The following CTC1 variants were observed in gnomAD, a reference collection of about 807,000 sequenced individuals.
CTC1 encodes CST complex subunit CTC1.
CTC1 carries 91 observed loss-of-function variants against 136.3 expected under a neutral mutation model. That is an observed-to-expected ratio of 0.67 (90% CI 0.56 to 0.79). The LOEUF is 0.79. Ranked by LOEUF, CTC1 falls within the 30% of genes least tolerant of loss-of-function variation. CTC1 has a pLI of 0.00. For missense variants in CTC1, 1,432 were observed against 1,498.1 expected, an observed-to-expected ratio of 0.96 and a Z score of 0.73; for synonymous variants, 606 against 613.8, an observed-to-expected ratio of 0.99 and a Z score of 0.19.
In CTC1 at chr17:8,243,001, G is replaced by A. The variant is rs1439520622; in HGVS notation, c.181C>T (p.Leu61=). The A allele has an allele frequency of 6.2e-7, 1 of 1,612,788 alleles. No individual in the cohort carries two copies. Residue 61 remains leucine, a synonymous_variant, in exon 2 of 23, where the codon CTG becomes TTG. Coordinates refer to ENST00000651323, the MANE Select transcript of CTC1 (RefSeq NM_025099.6). ...LSQGRNQGST[L]PLSYSFVSVQ... is the part of the protein sequence containing the mutation. ...TCTCCTTACCTATAGCTGAGGGGCAGTGTAGAACCTTGGTTCCTTCCCTGG... is the reference window on the plus strand; with the variant it reads ...TCTCCTTACCTATAGCTGAGGGGCAATGTAGAACCTTGGTTCCTTCCCTGG...
rs151277862 is a variant in CTC1, at chr17:8,234,254, C to A, written c.1818+201G>T. Among the ~76,000 whole-genome samples the A allele has an allele frequency of 2.4e-3, 368 of 152,332 alleles. 14 individuals carry two copies. The East Asian group carries it at 0.052, about 22-fold the overall frequency. On this transcript the variant is annotated intron_variant, in intron 10 of 22. Transcript: ENST00000651323. The stretch of plus-strand genomic sequence containing the variant: ...CCTCCCAAAGTGTTGGGATTACAGG[C>A]ATGAGCCACTGTGCCTGGCATATCC...
At chr17:8,234,007 C>G (rs1420785378) in intron 10 of CTC1, among the ~76,000 whole-genome samples, 14 of 151,814 alleles carry the variant, frequency 9.2e-5, no homozygotes, top group Admixed American at 8.5e-4. Flanking sequence ...CTTTTTTTTC[C>G]TGAGTCTTGC....
intron 17 of CTC1, 105 bp from the exon 18 acceptor site, chr17:8,230,073 G>T: frequency 8.8e-7 from 1 of 1,137,700 alleles, no homozygotes; most frequent in Non-Finnish European, 1.3e-6. Flanking sequence ...TCCCCCTGAG[G>T]GACATATCCT....
intron 2 of CTC1, among the ~76,000 whole-genome samples, chr17:8,239,818 T>G (rs1361043546): frequency 6.6e-6 from 1 of 152,096 alleles, no homozygotes; most frequent in Admixed American, 6.5e-5. Flanking sequence ...CACAAATGAG[T>G]ATCAAAGAGA....
intron 1 of CTC1, chr17:8,247,637 C>T: frequency 4.9e-6 from 1 of 204,248 alleles, no homozygotes; most frequent in Non-Finnish European, 1.0e-5. Flanking sequence ...CTTCTACACG[C>T]ACTTCGGGTC....
In CTC1 at chr17:8,236,302, C is replaced by A. The variant is rs768853291; in HGVS notation, c.833G>T (p.Gly278Val). Residue 278 changes from glycine (G) to valine (V), a missense_variant, in exon 6 of 23, where the codon GGT becomes GTT. Coordinates refer to ENST00000651323, the MANE Select transcript of CTC1 (RefSeq NM_025099.6). ...CAGTTCTGTCAGCACATAGGCTGTA[C>A]CAGGCCGAAGGGCTCTGTGCCACAC... is the stretch of plus-strand genomic sequence containing the variant. ...QLVWHRALRPGTAYVLTELRV... is the reference protein window; with the variant it reads ...QLVWHRALRPVTAYVLTELRV... 9.3e-6 allele frequency: 15 copies of A among 1,611,808 alleles called. No individual in the cohort carries two copies. Among genetic ancestry groups the A allele is most frequent in the African/African-American group, 2.7e-5 (2 of 74,934 alleles).
chr17:8,246,713 C>G (rs989651890), intron 1 of CTC1, among the ~76,000 whole-genome samples: 1 of 151,738 alleles, frequency 6.6e-6, no homozygotes, highest in Admixed American at 6.6e-5. Flanking sequence ...GGTGAAACAC[C>G]GTCTGTACTT....
In CTC1 at chr17:8,231,327, T is replaced by C. The variant is rs1379080486; in HGVS notation, c.2618A>G (p.Asp873Gly). ...GGATTCAGGCAATGACTTGTTTGCA[T>C]CCAGCACATCTTGGATATCCTGGGA... is the stretch of plus-strand genomic sequence containing the variant. ...ESSQDIQDVL[D>G]ANKSLPESSL... Residue 873 changes from aspartate (D) to glycine (G), a missense_variant, in exon 15 of 23, where the codon GAT (aspartate) becomes GGT (glycine). By Grantham distance (94) the Asp-to-Gly change is moderately conservative (BLOSUM62 -1). Coordinates refer to ENST00000651323, the MANE Select transcript of CTC1 (RefSeq NM_025099.6). 5 of 1,606,008 alleles carry C rather than the reference T, an allele frequency of 3.1e-6. No individual in the cohort carries two copies. Among genetic ancestry groups the C allele is most frequent in the Non-Finnish European group, 4.3e-6 (5 of 1,173,900 alleles).
At chr17:8,236,033 C>T (rs757481854) in intron 6 of CTC1, 25 bp downstream of exon 6, 17 of 1,601,710 alleles carry the variant, frequency 1.1e-5, no homozygotes, top group Non-Finnish European at 1.5e-5. Context: ...GCCCCTCAAG[C>T]TCTAGGATCT....
Position 8,229,146 on chromosome 17 carries a change from T to C in CTC1, c.3217A>G (p.Ile1073Val). The C allele has an allele frequency of 1.2e-6, 2 of 1,613,826 alleles. No individual in the cohort carries two copies. The highest frequency in any genetic ancestry group is 1.7e-6 in the Non-Finnish European group (2 of 1,180,032). ...GTGCACGCCTTGTGCTCTCACCTGA[T>C]GATGGCCTGGCTTATAGCTGTCTGC... is the stretch of plus-strand genomic sequence containing the variant. Reference protein sequence around the residue: ...PTQTAISQAIIRLLVEDGTAE... With the variant: ...PTQTAISQAIVRLLVEDGTAE... Residue 1073 changes from isoleucine (I) to valine (V), a missense_variant, in exon 20 of 23, where the codon ATC becomes GTC. Physicochemically the swap from Ile to Val is conservative, Grantham distance 29 (BLOSUM62 3). Transcript: ENST00000651323.
intron 1 of CTC1, among the ~76,000 whole-genome samples, chr17:8,244,526 CCT>C (rs1389632053): frequency 4.7e-4 from 71 of 151,956 alleles, no homozygotes; most frequent in African/African-American, 1.7e-3. Flanking sequence ...CTTTCACATT[CCT>C]CTTTTTTTTT....
At chr17:8,229,281 C>T (rs1417403905) in intron 19 of CTC1, 21 bp downstream of exon 19, 1 of 1,614,108 alleles carries the variant, frequency 6.2e-7, no homozygotes, top group Admixed American at 1.7e-5. Context: ...CTCAGTTCAG[C>T]CTGTTCCTTC....
chr17:8,226,680 G>A lies in CTC1; in HGVS notation c.*1500C>T, dbSNP rs909936817. On this transcript the variant is annotated 3_prime_UTR_variant, in exon 23 of 23. Coordinates refer to ENST00000651323, the MANE Select transcript of CTC1 (RefSeq NM_025099.6). The stretch of plus-strand genomic sequence containing the variant: ...TTCTAGTCCATCGCCTTAACCACTC[G>A]GCCACGACTACGAGGCTTAGGGCTT... 3.3e-5 allele frequency: 5 copies of A among 152,116 alleles called. No individual in the cohort carries two copies. Among genetic ancestry groups the A allele is most frequent in the East Asian group, 1.9e-4 (1 of 5,198 alleles). The allele number at this position is 152,116 out of a possible 1,614,324, so 9.4% of individuals were successfully genotyped here.
chr17:8,236,292 A>G lies in CTC1; in HGVS notation c.843T>C (p.Tyr281=), dbSNP rs367935180. 107 of 1,613,154 alleles carry G rather than the reference A, an allele frequency of 6.6e-5. No individual in the cohort carries two copies. The Middle Eastern group carries it at 8.3e-4, about 12-fold the overall frequency. Residue 281 remains tyrosine (Y), a synonymous_variant, in exon 6 of 23, where the codon TAT becomes TAC. Transcript: ENST00000651323. ...TGGACACTCGCAGTTCTGTCAGCAC[A>G]TAGGCTGTACCAGGCCGAAGGGCTC... ...WHRALRPGTA[Y]VLTELRVSKI... is the part of the protein sequence containing the mutation.
chr17:8,236,499 G>A (rs112291984), intron 5 of CTC1, among the ~76,000 whole-genome samples, 157 bp from the exon 6 acceptor site: 226 of 152,132 alleles, frequency 1.5e-3, no homozygotes, highest in African/African-American at 4.9e-3. Flanking sequence ...AAATCTTAGC[G>A]TCTCTCCTCT....
intron 10 of CTC1, among the ~76,000 whole-genome samples, chr17:8,234,146 T>C (rs1987483632): frequency 6.6e-6 from 1 of 152,110 alleles, no homozygotes; most frequent in Admixed American, 6.5e-5. Context: ...CGCACCTAAT[T>C]AAGACAACTT....
At chr17:8,228,675 A>G (rs1193234634) in intron 21 of CTC1, 46 bp from the exon 22 acceptor site, 1 of 1,613,990 alleles carries the variant, frequency 6.2e-7, no homozygotes, top group Non-Finnish European at 8.5e-7. Flanking sequence ...ACCCTTTGCC[A>G]AAAGCCCAGG....
Position 8,226,285 on chromosome 17 carries a change from T to C in CTC1, c.*1895A>G, listed in dbSNP as rs1986650845. The C allele has an allele frequency of 6.6e-6, 1 of 152,284 alleles. No individual in the cohort carries two copies. Among genetic ancestry groups the C allele is most frequent in the East Asian group, 1.9e-4 (1 of 5,196 alleles). 9.4% of individuals were successfully genotyped at this position (152,284 alleles called of 1,614,324 possible). A position where few individuals can be genotyped will look rare whatever the true frequency, so the allele number is the denominator to read the frequency against. On this transcript the variant is annotated 3_prime_UTR_variant, in exon 23 of 23. Transcript: ENST00000651323. ...GATCTCCTGTTTACTAGACAGGCGC[T>C]TTAACCAACTAAGCCACGGCGCCGA...
chr17:8,231,595 G>A (rs971946391), intron 14 of CTC1, 126 bp from the exon 15 acceptor site: 2 of 1,212,398 alleles, frequency 1.6e-6, no homozygotes, highest in Non-Finnish European at 2.4e-6. Context: ...ACACACACAG[G>A]CTTTCTGGTG....
Sources: gnomAD v4.1 joint callset for allele counts (sites outside exome capture counted in the v4.1 genomes callset) on GRCh38, gnomAD v4.1.1 for gene constraint, MANE v1.5 for transcripts, NCBI Gene and HGNC (gene_info 2026-07-23, HGNC 2026-07-21) for gene names.